The following ST7L variants were observed in gnomAD, a reference collection of about 807,000 sequenced individuals.
ST7L encodes the protein suppressor of tumorigenicity 7 protein-like.
ST7L carries 57 observed loss-of-function variants against 72.5 expected under a neutral mutation model. The observed-to-expected ratio is 0.79, with a 90% CI of 0.64 to 0.98. The LOEUF (loss-of-function observed/expected upper bound fraction) is 0.98, where lower values mean the gene tolerates loss of function less well. ST7L is among the 50% of genes least tolerant of loss of function. ST7L has a pLI of 0.00. For missense variants in ST7L, 576 were observed against 672.2 expected (o/e 0.86, Z 1.58); for synonymous variants, 221 against 240.9 (o/e 0.92, Z 0.77).
chr1:112,610,762 T>G, intron 3 of ST7L, 79 bp downstream of exon 3: 1 of 1,518,806 alleles, frequency 6.6e-7, no homozygotes, highest in Non-Finnish European at 9.0e-7. Flanking sequence ...AGCACTCTGC[T>G]GTTTTGAGTT....
intron 5 of ST7L, among the ~76,000 whole-genome samples, chr1:112,596,994 C>A (rs1666579537): frequency 6.6e-6 from 1 of 152,150 alleles, no homozygotes; most frequent in Non-Finnish European, 1.5e-5. Context: ...AGGCAATGTG[C>A]TGGATAATAG....
chr1:112,541,239 G>A (rs1451198956), intron 14 of ST7L, among the ~76,000 whole-genome samples: 5 of 151,278 alleles, frequency 3.3e-5, no homozygotes, highest in Admixed American at 6.6e-5. Flanking sequence ...AGCTGAGATC[G>A]TACCACTGCA....
At chr1:112,532,442 T>C (rs1654531289) in intron 14 of ST7L, among the ~76,000 whole-genome samples, 1 of 152,190 alleles carries the variant, frequency 6.6e-6, no homozygotes, top group Admixed American at 6.5e-5. Context: ...GACTGCAGCA[T>C]ATTGAATAAA....
intron 14 of ST7L, among the ~76,000 whole-genome samples, chr1:112,532,885 C>G (rs567085160): frequency 1.3e-3 from 203 of 152,248 alleles, no homozygotes; most frequent in African/African-American, 4.7e-3. Flanking sequence ...AGTTTCCTAC[C>G]TATTGATACA....
At chr1:112,561,879 T>TAA (rs36107520) in intron 11 of ST7L, among the ~76,000 whole-genome samples, 24 of 151,384 alleles carry the variant, frequency 1.6e-4, no homozygotes, top group East Asian at 1.9e-4. Flanking sequence ...CTTTAAAAGG[T>TAA]AAAAAAATGG....
At chr1:112,535,554 A>G (rs1655060988) in intron 14 of ST7L, among the ~76,000 whole-genome samples, 1 of 150,870 alleles carries the variant, frequency 6.6e-6, no homozygotes, top group Non-Finnish European at 1.5e-5. Context: ...ACAAAGTGAG[A>G]CCCCATCTCT....
chr1:112,555,862 A>G lies in ST7L; in HGVS notation c.1396+6T>C, dbSNP rs1404793185. 1.3e-6 allele frequency: 2 copies of G among 1,498,866 alleles called. No individual in the cohort carries two copies. The highest frequency in any genetic ancestry group is 2.8e-5 in the African/African-American group (2 of 71,510). 92.8% of individuals were successfully genotyped at this position (1,498,866 alleles called of 1,614,324 possible). ...ATTAGTGTTACTTTTGGAAAAGAAT[A>G]CTTACTGCCTTCCCATGTACACTGT... On this transcript the variant is annotated splice_donor_region_variant and intron_variant, in intron 12 of 14. Transcript: ENST00000358039.
chr1:112,601,479 T>C (rs1334102413), intron 3 of ST7L, among the ~76,000 whole-genome samples: 1 of 152,032 alleles, frequency 6.6e-6, no homozygotes, highest in Non-Finnish European at 1.5e-5. Flanking sequence ...TCTCCTGACC[T>C]CGTGATCCGC....
intron 11 of ST7L, among the ~76,000 whole-genome samples, chr1:112,557,083 C>G (rs1244045829): frequency 6.6e-6 from 1 of 150,954 alleles, no homozygotes; most frequent in African/African-American, 2.4e-5. Context: ...TAAATAACAG[C>G]CTTTATTGAG....
intron 3 of ST7L, among the ~76,000 whole-genome samples, chr1:112,609,322 G>A (rs750701968): frequency 2.0e-5 from 3 of 151,614 alleles, no homozygotes; most frequent in Admixed American, 6.6e-5. Context: ...ACCTGAGGTC[G>A]GGAGTTCAAG....
chr1:112,604,414 A>G (rs1667882444), intron 3 of ST7L, among the ~76,000 whole-genome samples: 1 of 152,122 alleles, frequency 6.6e-6, no homozygotes, highest in African/African-American at 2.4e-5. Flanking sequence ...TATTATCTGA[A>G]TCAGACATAG....
At chr1:112,570,585 A>G (rs1239862886) in intron 11 of ST7L, 2 of 257,980 alleles carry the variant, frequency 7.8e-6, no homozygotes, top group African/African-American at 4.6e-5. Context: ...ACACACATAT[A>G]TTTGAAATGT....
intron 2 of ST7L, among the ~76,000 whole-genome samples, chr1:112,614,356 A>G (rs2101064414): frequency 6.6e-6 from 1 of 152,338 alleles, no homozygotes; most frequent in Non-Finnish European, 1.5e-5. Context: ...TGTTGGGATT[A>G]CAGGTGTAAG....
chr1:112,552,679 C>T (rs1463278489), intron 12 of ST7L, among the ~76,000 whole-genome samples: 2 of 152,186 alleles, frequency 1.3e-5, no homozygotes, highest in African/African-American at 2.4e-5. Context: ...TCTGGGATTA[C>T]AGGCGTGAAC....
chr1:112,575,530 C>T (rs1224773993), intron 11 of ST7L, among the ~76,000 whole-genome samples: 2 of 152,082 alleles, frequency 1.3e-5, no homozygotes, highest in Admixed American at 6.5e-5. Context: ...CCATGACAGT[C>T]GATCTGATAA....
intron 11 of ST7L, 26 bp downstream of exon 11, chr1:112,576,960 A>G: frequency 6.7e-7 from 1 of 1,481,600 alleles, no homozygotes; most frequent in Non-Finnish European, 9.4e-7. Context: ...AAATAAAGGT[A>G]GTATTTTTAT....
chr1:112,581,957 A>G, intron 9 of ST7L, 35 bp downstream of exon 9: 22 of 1,304,810 alleles, frequency 1.7e-5, no homozygotes, highest in Non-Finnish European at 2.4e-5. Context: ...TTGGAAAAGA[A>G]TAACCATGCT....
At chr1:112,530,406 G>A (rs1226103923) in intron 14 of ST7L, among the ~76,000 whole-genome samples, 1 of 152,058 alleles carries the variant, frequency 6.6e-6, no homozygotes, top group East Asian at 1.9e-4. Flanking sequence ...CTCAAGGAGA[G>A]GTTCTGTGCC....
At chr1:112,557,065 TTA>T (rs1455548564) in intron 11 of ST7L, among the ~76,000 whole-genome samples, 1 of 151,736 alleles carries the variant, frequency 6.6e-6, no homozygotes, top group Non-Finnish European at 1.5e-5. Flanking sequence ...TTTTTTTAAT[TTA>T]GTTTTTAAAT....
Sources: allele counts gnomAD v4.1 joint callset (sites outside exome capture counted in the v4.1 genomes callset), GRCh38; gene constraint gnomAD v4.1.1; transcripts MANE v1.5; gene names NCBI Gene and HGNC (gene_info 2026-07-23, HGNC 2026-07-21).